Variants in CTNNA2 observed in about 807,000 individuals in gnomAD.
The protein encoded by CTNNA2 is catenin alpha 2.
Under a neutral mutation model 101.0 loss-of-function variants are expected in CTNNA2, and 42 were observed. The ratio of observed to expected loss-of-function variants is 0.42; its 90% CI spans 0.32 to 0.54. The LOEUF is 0.54. CTNNA2 is among the 20% of genes least tolerant of loss of function. CTNNA2 has a pLI of 0.14. For missense variants in CTNNA2, 871 were observed against 1,223.1 expected (o/e 0.71, Z 4.29); for synonymous variants, 450 against 456.4 (o/e 0.99, Z 0.18).
chr2:79,840,686 C>T (rs1463516362), intron 3 of CTNNA2, among the ~76,000 whole-genome samples: 1 of 151,914 alleles, frequency 6.6e-6, no homozygotes, highest in Non-Finnish European at 1.5e-5. Flanking sequence ...CAATCCCAGT[C>T]CCCGGGGAGG....
intron 3 of CTNNA2, among the ~76,000 whole-genome samples, chr2:79,770,391 T>C (rs1428245042): frequency 6.6e-6 from 1 of 152,200 alleles, no homozygotes; most frequent in Non-Finnish European, 1.5e-5. Flanking sequence ...TCACTGGAAG[T>C]GCATCATTTT....
At chr2:80,196,023 A>G (rs1374787483) in intron 7 of CTNNA2, among the ~76,000 whole-genome samples, 1 of 152,204 alleles carries the variant, frequency 6.6e-6, no homozygotes, top group Non-Finnish European at 1.5e-5. Context: ...AAATACCATT[A>G]TATTAAAAAT....
intron 7 of CTNNA2, among the ~76,000 whole-genome samples, chr2:79,927,672 AAC>A (rs1574332074): frequency 6.6e-6 from 1 of 152,236 alleles, no homozygotes; most frequent in African/African-American, 2.4e-5. Context: ...AAAAGCATTT[AAC>A]AGTGTTTAAA....
At chr2:79,991,669 A>C (rs1318175772) in intron 7 of CTNNA2, among the ~76,000 whole-genome samples, 1 of 152,204 alleles carries the variant, frequency 6.6e-6, no homozygotes, top group Non-Finnish European at 1.5e-5. Context: ...TTTTTACATA[A>C]CTGTAATGGA....
intron 7 of CTNNA2, among the ~76,000 whole-genome samples, chr2:80,082,247 C>T (rs1199122508): frequency 6.6e-6 from 1 of 151,944 alleles, no homozygotes; most frequent in African/African-American, 2.4e-5. Context: ...TTGGTGGTTT[C>T]GTTTATTTTG....
At chr2:79,408,998 G>C (rs925713109) in intron 4 of CTNNA2, among the ~76,000 whole-genome samples, 1 of 151,746 alleles carries the variant, frequency 6.6e-6, no homozygotes, top group Admixed American at 6.6e-5. Context: ...ATTCTAACTG[G>C]TGTGAGATGG....
chr2:80,521,850 G>A (rs902936575), intron 9 of CTNNA2, among the ~76,000 whole-genome samples: 3 of 152,096 alleles, frequency 2.0e-5, no homozygotes, highest in Non-Finnish European at 4.4e-5. Flanking sequence ...TTTAACAGTA[G>A]CAGTAGGAAA....
At chr2:79,499,437 A>G (rs1461714289) in intron 4 of CTNNA2, among the ~76,000 whole-genome samples, 1 of 152,186 alleles carries the variant, frequency 6.6e-6, no homozygotes, top group Non-Finnish European at 1.5e-5. Context: ...TATAGCAGTC[A>G]CAGCGATCTG....
chr2:79,706,988 A>G (rs1310728339), intron 2 of CTNNA2, among the ~76,000 whole-genome samples: 1 of 152,168 alleles, frequency 6.6e-6, no homozygotes, highest in East Asian at 1.9e-4. Context: ...GTGCAAATAT[A>G]TATTTAACAT....
At chr2:80,515,416 T>C (rs553233508) in intron 9 of CTNNA2, among the ~76,000 whole-genome samples, 8 of 152,346 alleles carry the variant, frequency 5.3e-5, no homozygotes, top group African/African-American at 1.9e-4. Context: ...TTCCCTTGGA[T>C]AGCTCAGAAT....
At chr2:80,365,606 T>A (rs1674852310) in intron 7 of CTNNA2, among the ~76,000 whole-genome samples, 1 of 151,314 alleles carries the variant, frequency 6.6e-6, no homozygotes, top group Non-Finnish European at 1.5e-5. Context: ...TCTATTATGG[T>A]CTTCATAGTG....
chr2:79,443,941 T>G (rs910154510), intron 4 of CTNNA2, among the ~76,000 whole-genome samples: 2 of 129,834 alleles, frequency 1.5e-5, no homozygotes, highest in Non-Finnish European at 3.4e-5. Context: ...TCTCTCTCTC[T>G]GGCCTTCTCA....
chr2:79,491,277 G>A (rs967622482), intron 4 of CTNNA2, among the ~76,000 whole-genome samples: 2 of 152,116 alleles, frequency 1.3e-5, no homozygotes, highest in Non-Finnish European at 2.9e-5. Context: ...GGGGCTCAAT[G>A]TGGCAGTCTG....
chr2:80,384,436 A>T (rs1676805955), intron 7 of CTNNA2, among the ~76,000 whole-genome samples: 1 of 151,316 alleles, frequency 6.6e-6, no homozygotes, highest in Non-Finnish European at 1.5e-5. Flanking sequence ...AAAAAAAAAA[A>T]GATTCAAAAA....
At chr2:79,503,682 A>T (rs1203853174) in intron 4 of CTNNA2, among the ~76,000 whole-genome samples, 1 of 152,238 alleles carries the variant, frequency 6.6e-6, no homozygotes, top group Non-Finnish European at 1.5e-5. Flanking sequence ...ACCCTAATAC[A>T]TTAAAGAAAG....
intron 2 of CTNNA2, among the ~76,000 whole-genome samples, chr2:79,686,840 A>T (rs1452405548): frequency 6.6e-6 from 1 of 152,126 alleles, no homozygotes; most frequent in Non-Finnish European, 1.5e-5. Context: ...CAATGTCTAG[A>T]GTGAGAGAGG....
chr2:80,635,266 G>T (rs1672759940), intron 18 of CTNNA2, among the ~76,000 whole-genome samples: 1 of 152,100 alleles, frequency 6.6e-6, no homozygotes, highest in Non-Finnish European at 1.5e-5. Context: ...AAATGATTTG[G>T]AGGGCATTAT....
intron 7 of CTNNA2, among the ~76,000 whole-genome samples, chr2:79,931,590 CTT>C (rs1418439756): frequency 6.6e-6 from 1 of 152,172 alleles, no homozygotes; most frequent in Non-Finnish European, 1.5e-5. Flanking sequence ...CATTTAGAAA[CTT>C]TTGTAGTAAT....
chr2:79,500,100 T>C (rs934196946), intron 4 of CTNNA2, among the ~76,000 whole-genome samples: 4 of 152,196 alleles, frequency 2.6e-5, no homozygotes. Context: ...TCCAAAAATA[T>C]CTTTCATGTT....
Sources: allele counts gnomAD v4.1 joint callset (sites outside exome capture counted in the v4.1 genomes callset), GRCh38; gene constraint gnomAD v4.1.1; transcripts MANE v1.5; gene names NCBI Gene and HGNC (gene_info 2026-07-23, HGNC 2026-07-21).